The following S100Z variants were observed in gnomAD, a reference collection of about 807,000 sequenced individuals.
The protein encoded by S100Z is S100 calcium binding protein Z, also known as protein S100-Z.
In S100Z, 11 loss-of-function variants were observed where a neutral mutation model predicts 8.5. The ratio of observed to expected loss-of-function variants is 1.30; its 90% CI spans 0.82 to 2.15. The LOEUF (loss-of-function observed/expected upper bound fraction) is 2.15. S100Z is among the 30% of genes most tolerant of loss of function. The pLI is 0.00. For synonymous variants in S100Z, 34 were observed against 43.8 expected (o/e 0.78, Z 0.89); for missense variants, 126 against 117.9 (o/e 1.07, Z -0.32).
chr5:76,929,206 G>A, the S100Z span, among the ~76,000 whole-genome samples: 2 of 152,224 alleles, frequency 1.3e-5, no homozygotes, highest in African/African-American at 4.8e-5. Context: ...TTTGGTCTTT[G>A]AGTTATATAA....
At chr5:76,852,646 G>C (rs1750763668) in intron 1 of S100Z, among the ~76,000 whole-genome samples, 2 of 152,108 alleles carry the variant, frequency 1.3e-5, no homozygotes, top group Non-Finnish European at 2.9e-5. Flanking sequence ...GGAGGCGGAG[G>C]TTGCAGTGAG....
At chr5:76,910,591 A>T (rs1166220945) in intron 4 of S100Z, among the ~76,000 whole-genome samples, 2 of 152,164 alleles carry the variant, frequency 1.3e-5, no homozygotes, top group Non-Finnish European at 2.9e-5. Flanking sequence ...GTTCATGTCC[A>T]CTATGCTGAG....
chr5:76,885,038 T>C (rs1489235728), intron 4 of S100Z, among the ~76,000 whole-genome samples: 2 of 152,124 alleles, frequency 1.3e-5, no homozygotes, highest in Non-Finnish European at 2.9e-5. Flanking sequence ...ATTGTCTAGA[T>C]CTCATAGGAT....
At chr5:76,911,536 A>G (rs1177848272) in intron 4 of S100Z, among the ~76,000 whole-genome samples, 1 of 152,190 alleles carries the variant, frequency 6.6e-6, no homozygotes, top group Non-Finnish European at 1.5e-5. Flanking sequence ...TCTTGCCCCA[A>G]GGGTTTAGGG....
chr5:76,904,868 G>A (rs1744372349), intron 4 of S100Z, among the ~76,000 whole-genome samples: 1 of 151,992 alleles, frequency 6.6e-6, no homozygotes, highest in Non-Finnish European at 1.5e-5. Context: ...TCTTAATATT[G>A]TCTTTTGTAG....
At chr5:76,855,361 T>C (rs531196271) in intron 1 of S100Z, among the ~76,000 whole-genome samples, 1 of 152,292 alleles carries the variant, frequency 6.6e-6, no homozygotes, top group African/African-American at 2.4e-5. Context: ...TGAAAACAGA[T>C]GCCAGCCTGT....
downstream of S100Z, among the ~76,000 whole-genome samples, chr5:76,922,681 G>A (rs889115288): frequency 3.3e-5 from 5 of 152,010 alleles, no homozygotes; most frequent in South Asian, 2.1e-4. Context: ...CCGCTACCAC[G>A]CCCGGCTAAT....
Position 76,896,214 on chromosome 5 carries a change from T to A in S100Z, c.*2+18380T>A, listed in dbSNP as rs1174941762. On this transcript the variant is annotated intron_variant, in intron 4 of 4. Transcript: ENST00000317593. ...TACCCTTCCCAGTCTCTAGTAACCA[T>A]CATTCTACTCTCTATGTCCATGAGT... Among the ~76,000 whole-genome samples, 17 of 152,262 alleles carry A rather than the reference T, an allele frequency of 1.1e-4. No homozygotes were observed. The East Asian group carries it at 3.3e-3, about 29-fold the overall frequency.
the S100Z span, among the ~76,000 whole-genome samples, chr5:76,951,707 C>A: frequency 1.3e-5 from 2 of 152,186 alleles, no homozygotes; most frequent in Non-Finnish European, 2.9e-5. Context: ...ATTCAGGCAT[C>A]TAAACAGCCC....
chr5:76,914,566 G>C (rs762150221), intron 4 of S100Z, among the ~76,000 whole-genome samples: 1 of 152,102 alleles, frequency 6.6e-6, no homozygotes, highest in Non-Finnish European at 1.5e-5. Flanking sequence ...TCTTGCTGCT[G>C]CTCACTCTTT....
chr5:76,879,996 AAG>A (rs754594454), intron 4 of S100Z, among the ~76,000 whole-genome samples: 1 of 152,208 alleles, frequency 6.6e-6, no homozygotes, highest in Non-Finnish European at 1.5e-5. Flanking sequence ...TGAGTCCGAA[AAG>A]AGAGTCAGCA....
At chr5:76,888,851 C>A (rs1310791585) in intron 4 of S100Z, among the ~76,000 whole-genome samples, 2 of 152,210 alleles carry the variant, frequency 1.3e-5, no homozygotes, top group African/African-American at 4.8e-5. Context: ...AGGCTGGCAA[C>A]CTTTAATATG....
intron 2 of S100Z, among the ~76,000 whole-genome samples, chr5:76,874,954 G>A (rs1429839139): frequency 6.6e-6 from 1 of 151,858 alleles, no homozygotes; most frequent in Non-Finnish European, 1.5e-5. Context: ...GCGCGATCTC[G>A]GCTCACTGCA....
At chr5:76,937,481 C>A in the S100Z span, among the ~76,000 whole-genome samples, 1 of 152,024 alleles carries the variant, frequency 6.6e-6, no homozygotes, top group African/African-American at 2.4e-5. Context: ...GTAGGCCAGG[C>A]ACAGTGGCTC....
intron 4 of S100Z, among the ~76,000 whole-genome samples, chr5:76,915,670 C>A (rs1018874007): frequency 2.0e-5 from 3 of 151,694 alleles, no homozygotes; most frequent in East Asian, 1.9e-4. Context: ...AAGTGGTAGG[C>A]TTAAGCCCAA....
At chr5:76,907,023 T>TATATATATAC (rs1744478883) in intron 4 of S100Z, among the ~76,000 whole-genome samples, 1 of 89,918 alleles carries the variant, frequency 1.1e-5, no homozygotes, top group Non-Finnish European at 2.0e-5. Flanking sequence ...TATATATATA[T>TATATATATAC]ACATATATAT....
chr5:76,906,985 T>TATATATATATATATATATACAC (rs1744463881), intron 4 of S100Z, among the ~76,000 whole-genome samples: 2 of 9,494 alleles, frequency 2.1e-4, no homozygotes, highest in Non-Finnish European at 4.0e-4. Flanking sequence ...TGTATATATA[T>TATATATATATATATATATACAC]ATATATATAT....
intron 2 of S100Z, among the ~76,000 whole-genome samples, chr5:76,873,895 G>C (rs1743092970): frequency 6.6e-6 from 1 of 152,028 alleles, no homozygotes; most frequent in African/African-American, 2.4e-5. Context: ...AATCTGTTGT[G>C]GATTCCTGCA....
intron 1 of S100Z, among the ~76,000 whole-genome samples, chr5:76,854,510 T>G (rs1240763924): frequency 6.6e-6 from 1 of 151,928 alleles, no homozygotes; most frequent in Non-Finnish European, 1.5e-5. Flanking sequence ...AACTTGAGAG[T>G]GATGATTTAG....
Sources: allele counts gnomAD v4.1 joint callset (sites outside exome capture counted in the v4.1 genomes callset), GRCh38; gene constraint gnomAD v4.1.1; transcripts MANE v1.5; gene names NCBI Gene and HGNC (gene_info 2026-07-23, HGNC 2026-07-21).